The following FCRL4 variants were observed in gnomAD, a reference collection of about 807,000 sequenced individuals.
FCRL4 encodes Fc receptor-like protein 4.
A neutral mutation model predicts 64.1 loss-of-function variants in FCRL4; 43 were observed. That is an observed-to-expected ratio of 0.67 (90% CI 0.53 to 0.87). The LOEUF is 0.87. FCRL4 is among the 40% of genes least tolerant of loss of function. The pLI, the probability that FCRL4 is intolerant of heterozygous loss-of-function variation, is 0.00. For synonymous variants in FCRL4, 253 were observed against 239.8 expected, an observed-to-expected ratio of 1.05 and a Z score of -0.51; for missense variants, 656 against 613.5, an observed-to-expected ratio of 1.07 and a Z score of -0.73.
chr1:157,577,786 G>A (rs1040065503), intron 10 of FCRL4, among the ~76,000 whole-genome samples: 1 of 152,146 alleles, frequency 6.6e-6, no homozygotes, highest in African/African-American at 2.4e-5. Context: ...CTTAGGCCGG[G>A]GTAAGAACTA....
Position 157,589,242 on chromosome 1 carries a change from G to T in FCRL4, c.269C>A (p.Ser90Tyr). Residue 90 changes from serine (S) to tyrosine (Y), a missense_variant, in exon 3 of 12, where the codon TCC becomes TAC. Coordinates refer to ENST00000271532, the MANE Select transcript of FCRL4 (RefSeq NM_031282.3). ...CAAGCGCACAGGGTTACTTCGTGGGGAGCCCCGGGCCTGGCATCTGTACAG... is the reference window on the plus strand; with the variant it reads ...CAAGCGCACAGGGTTACTTCGTGGGTAGCCCCGGGCCTGGCATCTGTACAG... ...SGLYRCQARGSPRSNPVRLLF... is the reference protein window; with the variant it reads ...SGLYRCQARGYPRSNPVRLLF... The T allele has an allele frequency of 1.9e-6, 3 of 1,614,134 alleles. No homozygotes were observed. The highest frequency in any genetic ancestry group is 2.5e-6 in the Non-Finnish European group (3 of 1,180,008).
intron 2 of FCRL4, among the ~76,000 whole-genome samples, chr1:157,590,786 G>A (rs1315235281): frequency 6.6e-6 from 1 of 152,088 alleles, no homozygotes; most frequent in African/African-American, 2.4e-5. Context: ...CAAAGTGCTG[G>A]AATTGCAGGC....
chr1:157,595,300 T>C (rs1036985189), intron 2 of FCRL4, among the ~76,000 whole-genome samples: 1 of 152,218 alleles, frequency 6.6e-6, no homozygotes, highest in Non-Finnish European at 1.5e-5. Flanking sequence ...CTGAAGAGAA[T>C]AGAAAACCCT....
intron 2 of FCRL4, among the ~76,000 whole-genome samples, chr1:157,591,616 TA>T (rs1652841698): frequency 6.6e-6 from 1 of 151,772 alleles, no homozygotes; most frequent in Non-Finnish European, 1.5e-5. Flanking sequence ...TGTGGGGAGG[TA>T]GGTGCTCCTA....
At chr1:157,585,348 T>TC (rs1558155010) in intron 6 of FCRL4, among the ~76,000 whole-genome samples, 16 of 60,964 alleles carry the variant, frequency 2.6e-4, no homozygotes, top group South Asian at 1.8e-3. Flanking sequence ...CTCTCTCTCT[T>TC]TCTTTCTTTC....
chr1:157,584,850 G>A (rs552415078), intron 6 of FCRL4, among the ~76,000 whole-genome samples: 1 of 152,150 alleles, frequency 6.6e-6, no homozygotes, highest in South Asian at 2.1e-4. Context: ...TGTTTTTGGG[G>A]AGCAGTCCCC....
Position 157,575,821 on chromosome 1 carries a change from C to T in FCRL4, c.1430-91G>A, listed in dbSNP as rs145665825. ...CTGATGCCCTAGAGTCTGAGAGCCA[C>T]TGGGCCCTGTCCACCTCATCCCCTC... On this transcript the variant is annotated intron_variant, in intron 10 of 11. Coordinates refer to ENST00000271532, the MANE Select transcript of FCRL4 (RefSeq NM_031282.3). The T allele has an allele frequency of 2.4e-6, 3 of 1,232,808 alleles. No homozygotes were observed. The African/African-American group carries it at 4.5e-5, about 18-fold the overall frequency. 76.4% of individuals were successfully genotyped at this position (1,232,808 alleles called of 1,614,324 possible). A position where few individuals can be genotyped will look rare whatever the true frequency, so the allele number is the denominator to read the frequency against.
intron 10 of FCRL4, 41 bp from the exon 11 acceptor site, chr1:157,575,771 A>G (rs751374514): frequency 1.1e-5 from 17 of 1,600,680 alleles, no homozygotes; most frequent in Non-Finnish European, 1.5e-5. Context: ...GGGCATAATG[A>G]TGCACTTAGA....
At chr1:157,579,115 T>C (rs1189102334) in intron 8 of FCRL4, among the ~76,000 whole-genome samples, 1 of 152,220 alleles carries the variant, frequency 6.6e-6, no homozygotes, top group South Asian at 2.1e-4. Context: ...ATCGTAACAA[T>C]CATCGTCTCA....
At chr1:157,586,656 C>T (rs1295339485) in intron 5 of FCRL4, among the ~76,000 whole-genome samples, 1 of 152,072 alleles carries the variant, frequency 6.6e-6, no homozygotes, top group African/African-American at 2.4e-5. Context: ...ATATACGAGG[C>T]CCCAGGAAAG....
intron 6 of FCRL4, among the ~76,000 whole-genome samples, chr1:157,585,724 A>G (rs1652675723): frequency 6.6e-6 from 1 of 152,156 alleles, no homozygotes; most frequent in African/African-American, 2.4e-5. Flanking sequence ...GTAATGAAGT[A>G]AAGGAATGCC....
At chr1:157,596,266 A>C in intron 2 of FCRL4, 62 bp downstream of exon 2, 2 of 1,537,508 alleles carry the variant, frequency 1.3e-6, no homozygotes, top group Non-Finnish European at 1.8e-6. Flanking sequence ...TAAGTATTTG[A>C]GATAAAATAT....
intron 1 of FCRL4, among the ~76,000 whole-genome samples, chr1:157,596,948 G>C (rs1396295905): frequency 6.6e-6 from 1 of 152,182 alleles, no homozygotes; most frequent in Non-Finnish European, 1.5e-5. Context: ...TCAAATGTTA[G>C]AGAATTGGAT....
chr1:157,580,412 T>C, intron 7 of FCRL4, 64 bp from the exon 8 acceptor site: 1 of 1,534,554 alleles, frequency 6.5e-7, no homozygotes, highest in Non-Finnish European at 9.0e-7. Flanking sequence ...TGACTTCATG[T>C]AACAGGAGCT....
Position 157,589,266 on chromosome 1 carries a change from A to C in FCRL4, c.245T>G (p.Leu82Arg). 1 of 1,614,174 alleles carries C rather than the reference A, an allele frequency of 6.2e-7. No individual in the cohort carries two copies. ...GNTLEVRESG[L>R]YRCQARGSPR... ...GGAGCCCCGGGCCTGGCATCTGTACAGTCCAGATTCCCGAACCTCGAGGGT... is the reference window on the plus strand; with the variant it reads ...GGAGCCCCGGGCCTGGCATCTGTACCGTCCAGATTCCCGAACCTCGAGGGT... The change falls in exon 3 of 12, where the codon CTG becomes CGG. Residue 82 changes from leucine to arginine, a missense_variant. Leu to Arg is a moderately radical substitution (Grantham distance 102). Coordinates refer to ENST00000271532, the MANE Select transcript of FCRL4 (RefSeq NM_031282.3).
intron 2 of FCRL4, among the ~76,000 whole-genome samples, chr1:157,594,059 G>A (rs1652901694): frequency 6.6e-6 from 1 of 152,170 alleles, no homozygotes; most frequent in African/African-American, 2.4e-5. Flanking sequence ...GCTCTGATGA[G>A]TCATAAAATC....
chr1:157,581,240 A>C (rs986448883), intron 7 of FCRL4, among the ~76,000 whole-genome samples: 2 of 152,270 alleles, frequency 1.3e-5, no homozygotes, highest in African/African-American at 4.8e-5. Flanking sequence ...AAACTGCCTA[A>C]GTAAACTGTT....
intron 6 of FCRL4, among the ~76,000 whole-genome samples, chr1:157,585,533 C>T (rs1353992681): frequency 6.6e-6 from 1 of 151,794 alleles, no homozygotes; most frequent in African/African-American, 2.4e-5. Flanking sequence ...ATAGCTTGGC[C>T]CAGTGTGGCT....
chr1:157,578,903 G>C (rs1299353105), intron 8 of FCRL4, 51 bp from the exon 9 acceptor site: 2 of 1,447,142 alleles, frequency 1.4e-6, no homozygotes, highest in African/African-American at 2.8e-5. Context: ...TAACATGCGG[G>C]AGAGTGAGAT....
Sources: gnomAD v4.1 joint callset for allele counts (sites outside exome capture counted in the v4.1 genomes callset) on GRCh38, gnomAD v4.1.1 for gene constraint, MANE v1.5 for transcripts, NCBI Gene and HGNC (gene_info 2026-07-23, HGNC 2026-07-21) for gene names.